SORCS3: variants seen among roughly 807,000 people sequenced by gnomAD.
SORCS3 encodes the protein VPS10 domain-containing receptor SorCS3.
SORCS3 carries 57 observed loss-of-function variants against 146.3 expected under a neutral mutation model. The ratio of observed to expected loss-of-function variants is 0.39; its 90% confidence interval spans 0.31 to 0.49. The LOEUF (loss-of-function observed/expected upper bound fraction) is 0.49. Among genes scored for constraint, SORCS3 ranks in the 20% least tolerant of loss-of-function variants. The pLI is 0.92. For missense variants in SORCS3, 1,341 were observed against 1,575.5 expected, an observed-to-expected ratio of 0.85 and a Z score of 2.52; for synonymous variants, 653 against 618.5, an observed-to-expected ratio of 1.06 and a Z score of -0.83.
intron 3 of SORCS3, among the ~76,000 whole-genome samples, chr10:104,920,751 G>A (rs143091159): frequency 2.0e-5 from 3 of 152,270 alleles, no homozygotes; most frequent in East Asian, 3.9e-4. Context: ...TTCATCTAGC[G>A]GGTTTTATAA....
intron 1 of SORCS3, among the ~76,000 whole-genome samples, chr10:104,841,036 A>T (rs2018133913): frequency 6.6e-6 from 1 of 152,106 alleles, no homozygotes; most frequent in Non-Finnish European, 1.5e-5. Context: ...TGAAGAACAG[A>T]AGAACTTTGA....
chr10:104,700,472 T>A, intron 1 of SORCS3, among the ~76,000 whole-genome samples: 1 of 152,204 alleles, frequency 6.6e-6, no homozygotes, highest in Non-Finnish European at 1.5e-5. Context: ...GTATATATTC[T>A]CTTTCTCTTC....
At chr10:104,647,620 T>A (rs1376745686) in intron 1 of SORCS3, among the ~76,000 whole-genome samples, 1 of 152,124 alleles carries the variant, frequency 6.6e-6, no homozygotes, top group African/African-American at 2.4e-5. Flanking sequence ...TGCCGTAGGG[T>A]AGTACATAGC....
intron 1 of SORCS3, among the ~76,000 whole-genome samples, chr10:104,822,351 T>C (rs2017883245): frequency 6.6e-6 from 1 of 152,228 alleles, no homozygotes; most frequent in Non-Finnish European, 1.5e-5. Context: ...GAACTTACTT[T>C]TACAGAGATA....
intron 2 of SORCS3, among the ~76,000 whole-genome samples, chr10:104,913,032 A>G (rs932132374): frequency 2.0e-4 from 30 of 152,312 alleles, no homozygotes; most frequent in Non-Finnish European, 3.8e-4. Flanking sequence ...TGCTCAGGAA[A>G]GTTTAGCGAG....
chr10:104,888,613 T>C (rs1189979544), intron 2 of SORCS3, among the ~76,000 whole-genome samples: 1 of 152,200 alleles, frequency 6.6e-6, no homozygotes, highest in Admixed American at 6.5e-5. Flanking sequence ...GGCAGGAAAT[T>C]TGTAGATTAC....
At chr10:104,983,851 C>T (rs1231862681) in intron 4 of SORCS3, among the ~76,000 whole-genome samples, 1 of 152,030 alleles carries the variant, frequency 6.6e-6, no homozygotes, top group Admixed American at 6.6e-5. Context: ...CTTGACCACT[C>T]ACTGTGGTAT....
intron 1 of SORCS3, among the ~76,000 whole-genome samples, chr10:104,805,392 A>G (rs1564688097): frequency 6.6e-6 from 1 of 152,224 alleles, no homozygotes; most frequent in Non-Finnish European, 1.5e-5. Context: ...TCAGAAATGG[A>G]AAAATGCAAG....
intron 9 of SORCS3, among the ~76,000 whole-genome samples, chr10:105,150,123 A>G (rs1322064752): frequency 1.3e-5 from 2 of 152,148 alleles, no homozygotes; most frequent in African/African-American, 2.4e-5. Flanking sequence ...AGAGTTTGCA[A>G]TCTAGTTTGT....
intron 6 of SORCS3, among the ~76,000 whole-genome samples, chr10:105,095,349 G>A (rs2055738484): frequency 6.6e-6 from 1 of 152,160 alleles, no homozygotes; most frequent in South Asian, 2.1e-4. Flanking sequence ...GACTGTGACT[G>A]TGGTGGTAGA....
chr10:104,990,191 C>T (rs1430802846), intron 4 of SORCS3, among the ~76,000 whole-genome samples: 1 of 152,164 alleles, frequency 6.6e-6, no homozygotes, highest in Non-Finnish European at 1.5e-5. Context: ...GTATAGATAC[C>T]TCAGCTCTTT....
intron 16 of SORCS3, among the ~76,000 whole-genome samples, chr10:105,204,169 G>T (rs1269638401): frequency 1.3e-5 from 2 of 152,094 alleles, no homozygotes; most frequent in African/African-American, 2.4e-5. Context: ...GTAATGTCAG[G>T]ATCTTTATTA....
intron 4 of SORCS3, among the ~76,000 whole-genome samples, chr10:105,035,932 C>G (rs2133699408): frequency 6.6e-6 from 1 of 152,316 alleles, no homozygotes; most frequent in South Asian, 2.1e-4. Flanking sequence ...GCTGTCACAG[C>G]TCATTTTAAA....
At chr10:105,181,561 G>A (rs971572248) in intron 14 of SORCS3, among the ~76,000 whole-genome samples, 18 of 152,132 alleles carry the variant, frequency 1.2e-4, no homozygotes, top group African/African-American at 2.4e-5. Context: ...TTCTAACACC[G>A]TAGCTTTGCA....
chr10:104,900,922 AC>A (rs2018845404), intron 2 of SORCS3, among the ~76,000 whole-genome samples: 1 of 151,140 alleles, frequency 6.6e-6, no homozygotes, highest in Non-Finnish European at 1.5e-5. Flanking sequence ...CGGGGAAAGA[AC>A]ATTTTATTAT....
chr10:105,122,557 GA>G (rs1470459864), intron 7 of SORCS3, among the ~76,000 whole-genome samples: 1 of 152,044 alleles, frequency 6.6e-6, no homozygotes, highest in African/African-American at 2.4e-5. Flanking sequence ...ATCTTGTATT[GA>G]GCACTTAATA....
rs775261134 is a variant in SORCS3 at position 105,217,013 on chromosome 10, C to T, written c.2625C>T (p.Ile875=). 1.2e-5 allele frequency: 19 copies of T among 1,614,022 alleles called. No individual in the cohort carries two copies. The highest frequency in any genetic ancestry group is 2.2e-5 in the East Asian group (1 of 44,892). The change falls in exon 19 of 27, where the codon ATC becomes ATT. Residue 875 remains isoleucine (I), a synonymous_variant. Transcript: ENST00000369701. ...TGTCCTACGCAAACTTCAGCCCCAT[C>T]GAGGACGGCATCAAGCACGTGTATA... ...IAVSYANFSP[I]EDGIKHVYKS...
chr10:105,246,799 C>T (rs899870803), intron 21 of SORCS3, among the ~76,000 whole-genome samples: 5 of 152,210 alleles, frequency 3.3e-5, no homozygotes, highest in African/African-American at 1.2e-4. Flanking sequence ...TTCTAATCCT[C>T]AGAGGCAGTT....
intron 4 of SORCS3, among the ~76,000 whole-genome samples, chr10:104,985,783 A>G (rs1245961183): frequency 6.6e-6 from 1 of 152,208 alleles, no homozygotes; most frequent in Non-Finnish European, 1.5e-5. Flanking sequence ...GTGCATTGTT[A>G]ATAAGCAGTA....
Sources: allele counts gnomAD v4.1 joint callset (sites outside exome capture counted in the v4.1 genomes callset), GRCh38; gene constraint gnomAD v4.1.1; transcripts MANE v1.5; gene names NCBI Gene and HGNC (gene_info 2026-07-23, HGNC 2026-07-21).